The following LGI1 variants were observed in gnomAD, a reference collection of about 807,000 sequenced individuals.
LGI1 encodes the protein leucine-rich glioma-inactivated protein 1.
In LGI1, 11 loss-of-function variants were observed where a neutral mutation model predicts 57.7. The observed-to-expected ratio is 0.19, with a 90% CI of 0.12 to 0.32. LGI1 has a LOEUF of 0.32. LGI1 is among the 10% of genes least tolerant of loss of function. The probability of loss-of-function intolerance (pLI) is 1.00; values close to 1 mark genes in which losing one functional copy is unlikely to be tolerated. For synonymous variants in LGI1, 222 were observed against 241.9 expected (o/e 0.92, Z 0.76); for missense variants, 422 against 661.9 (o/e 0.64, Z 3.98).
intron 4 of LGI1, among the ~76,000 whole-genome samples, chr10:93,786,916 G>A (rs2059896965): frequency 6.6e-6 from 1 of 152,204 alleles, no homozygotes; most frequent in South Asian, 2.1e-4. Context: ...TTTTTGCAGA[G>A]TAATTCTCAG....
Position 93,792,774 on chromosome 10 carries a change from T to C in LGI1, c.535T>C (p.Cys179Arg). The C allele has an allele frequency of 6.2e-7, 1 of 1,614,154 alleles. No homozygotes were observed. The highest frequency in any genetic ancestry group is 8.5e-7 in the Non-Finnish European group (1 of 1,180,006). Residue 179 changes from cysteine to arginine, a missense_variant, in exon 6 of 8, where the codon TGT (cysteine) becomes CGT (arginine). Physicochemically the swap from Cys to Arg is radical, Grantham distance 180. Transcript: ENST00000371418. ...GAGGGGTAATTCATTTAATTGTGAC[T>C]GTAAACTGAAATGGCTAGTGGAATG... The part of the protein sequence containing the change: ...DLRGNSFNCD[C>R]KLKWLVEWLG...
rs970598901 is a variant in LGI1 at position 93,758,955 on chromosome 10, G to A, written c.287+124G>A. The A allele has an allele frequency of 4.2e-5, 33 of 791,980 alleles. No individual in the cohort carries two copies. Among genetic ancestry groups the A allele is most frequent in the East Asian group, 2.9e-4 (11 of 38,412 alleles). The allele number at this position is 791,980 out of a possible 1,614,324, so 49.1% of individuals were successfully genotyped here. ...CTATTTCTGAGAAAACAGAATATCC[G>A]TAAAGTGAGAGGTAGATGGGTTTGT... On this transcript the variant is annotated intron_variant, in intron 2 of 7. Transcript: ENST00000371418. The surrounding 1 kb of genome is among the most constrained non-coding windows in gnomAD (Gnocchi z 4.7).
chr10:93,789,894 A>G (rs2059921386), intron 4 of LGI1: 9 of 557,264 alleles, frequency 1.6e-5, no homozygotes, highest in Admixed American at 3.3e-5. Flanking sequence ...GTAAATAAAT[A>G]TGGAGTGGGT....
rs2059935534 is a variant in LGI1 at position 93,791,228 on chromosome 10, A to G, written c.503+1058A>G. The G allele has an allele frequency of 2.6e-5, 4 of 152,320 alleles. No homozygotes were observed. In the South Asian group the frequency reaches 8.3e-4, roughly 32 times the overall value. The allele number at this position is 152,320 out of a possible 1,614,324, so 9.4% of individuals were successfully genotyped here. A position where few individuals can be genotyped will look rare whatever the true frequency, so the allele number is the denominator to read the frequency against. Reference sequence around the variant, plus strand: ...CTTCCAAGAGAGTCCTGGACAGACCATAGTTATCCTCTCTGGTTTACAGTA... The same window carrying G: ...CTTCCAAGAGAGTCCTGGACAGACCGTAGTTATCCTCTCTGGTTTACAGTA... On this transcript the variant is annotated intron_variant, in intron 5 of 7. Coordinates refer to ENST00000371418, the MANE Select transcript of LGI1 (RefSeq NM_005097.4).
At chr10:93,763,655 A>C (rs2059646217) in intron 2 of LGI1, 1 of 152,134 alleles carries the variant, frequency 6.6e-6, no homozygotes. Flanking sequence ...GAGGTCTGGG[A>C]AGTGAGCCGA....
At chr10:93,779,958 C>A (rs575820534) in intron 4 of LGI1, among the ~76,000 whole-genome samples, 1 of 152,150 alleles carries the variant, frequency 6.6e-6, no homozygotes. Flanking sequence ...ACGGCATTGC[C>A]AATGTTAGGC....
intron 4 of LGI1, among the ~76,000 whole-genome samples, chr10:93,785,182 A>G (rs2059885371): frequency 6.6e-6 from 1 of 152,204 alleles, no homozygotes; most frequent in Non-Finnish European, 1.5e-5. Flanking sequence ...AGAGAGGCAG[A>G]AAGAATAGAT....
Position 93,758,370 on chromosome 10 carries a change from T to C in LGI1, c.215+11T>C. 1 of 1,612,104 alleles carries C rather than the reference T, an allele frequency of 6.2e-7. No individual in the cohort carries two copies. The highest frequency in any genetic ancestry group is 8.5e-7 in the Non-Finnish European group (1 of 1,178,246). On this transcript the variant is annotated intron_variant, in intron 1 of 7. Transcript: ENST00000371418. This position sits in a 1 kb window ranked among gnomAD's most constrained non-coding sequence, Gnocchi z 4.7. ...TGATGTTATCTCATTGTAAGGCCCG[T>C]AAGCATTTTGATATCTAATTTACGA...
intron 2 of LGI1, among the ~76,000 whole-genome samples, chr10:93,766,220 T>C (rs1396345669): frequency 2.6e-5 from 4 of 152,176 alleles, no homozygotes; most frequent in African/African-American, 9.7e-5. Flanking sequence ...AAAAAAATTG[T>C]TAGGCCCATT....
intron 4 of LGI1, among the ~76,000 whole-genome samples, chr10:93,778,471 G>C (rs1158169558): frequency 1.3e-5 from 2 of 151,958 alleles, no homozygotes; most frequent in East Asian, 3.9e-4. Flanking sequence ...AGCATGGAAA[G>C]AAAAGGCACT....
intron 2 of LGI1, among the ~76,000 whole-genome samples, chr10:93,760,764 C>T (rs944621707): frequency 1.3e-5 from 2 of 152,176 alleles, no homozygotes; most frequent in African/African-American, 4.8e-5. Context: ...TTTAAATAGC[C>T]CAACCGAGTG....
Position 93,792,780 on chromosome 10 carries a change from C to T in LGI1, c.541C>T (p.Leu181=). Residue 181 remains leucine, a synonymous_variant, in exon 6 of 8, where the codon CTG becomes TTG. Coordinates refer to ENST00000371418, the MANE Select transcript of LGI1 (RefSeq NM_005097.4). The stretch of plus-strand genomic sequence containing the variant: ...TAATTCATTTAATTGTGACTGTAAA[C>T]TGAAATGGCTAGTGGAATGGCTTGG... ...RGNSFNCDCK[L]KWLVEWLGHT... is the part of the protein sequence containing the mutation. 2 of 1,614,098 alleles carry T rather than the reference C, an allele frequency of 1.2e-6. No homozygotes were observed. The highest frequency in any genetic ancestry group is 1.7e-6 in the Non-Finnish European group (2 of 1,180,004).
chr10:93,786,997 T>G (rs2059897534), intron 4 of LGI1, among the ~76,000 whole-genome samples: 1 of 152,212 alleles, frequency 6.6e-6, no homozygotes, highest in African/African-American at 2.4e-5. Context: ...TTTATCTAAA[T>G]GTAACCTGTC....
rs561286032 is a variant in LGI1, at chr10:93,783,331, G to A, written c.431+5714G>A. Among the ~76,000 whole-genome samples, 407 of 152,282 alleles carry A rather than the reference G, an allele frequency of 2.7e-3. 1 individual carries two copies. Among genetic ancestry groups the A allele is most frequent in the African/African-American group, 9.2e-3 (382 of 41,568 alleles). On this transcript the variant is annotated intron_variant, in intron 4 of 7. Transcript: ENST00000371418. ...GTGGAGCTTGCAGTGAGCCGAGATCGCGCCACTGCACTCCAGCTTGGGTGA... is the reference window on the plus strand; with the variant it reads ...GTGGAGCTTGCAGTGAGCCGAGATCACGCCACTGCACTCCAGCTTGGGTGA...
Position 93,790,125 on chromosome 10 carries a change from C to T in LGI1, c.458C>T (p.Thr153Ile). The T allele has an allele frequency of 1.2e-6, 2 of 1,601,366 alleles. No individual in the cohort carries two copies. The highest frequency in any genetic ancestry group is 1.4e-5 in the African/African-American group (1 of 73,148). ...HLSLANNNLQ[T>I]LPKDIFKGLD... ...AGCCTTGCAAACAACAATCTCCAGA[C>T]ACTCCCAAAAGATATTTTCAAAGGC... Residue 153 changes from threonine to isoleucine, a missense_variant, in exon 5 of 8, where the codon ACA becomes ATA. By Grantham distance (89) the Thr-to-Ile change is moderately conservative. Around this residue, in one of 3 missense-constraint regions of LGI1, gnomAD observed 63 missense variants for 138.4 expected, o/e 0.46. Coordinates refer to ENST00000371418, the MANE Select transcript of LGI1 (RefSeq NM_005097.4).
intron 2 of LGI1, among the ~76,000 whole-genome samples, chr10:93,774,298 C>T (rs2059770451): frequency 6.6e-6 from 1 of 152,052 alleles, no homozygotes; most frequent in Non-Finnish European, 1.5e-5. Flanking sequence ...GAGTGGGAAC[C>T]AAGTATCAGT....
chr10:93,795,096 A>G lies in LGI1; in HGVS notation c.838+1746A>G, dbSNP rs146878913. On this transcript the variant is annotated intron_variant, in intron 7 of 7. Coordinates refer to ENST00000371418, the MANE Select transcript of LGI1 (RefSeq NM_005097.4). ...GTGCGGTCGAAACCAGGCTTTTCTT[A>G]CTTGTGTATGGTTCATCAATTTCTT... Among the ~76,000 whole-genome samples, 672 of 152,186 alleles carry G rather than the reference A, an allele frequency of 4.4e-3. 3 individuals are homozygous for G. Among genetic ancestry groups the G allele is most frequent in the African/African-American group, 0.015 (637 of 41,540 alleles).
intron 7 of LGI1, among the ~76,000 whole-genome samples, chr10:93,796,712 T>G (rs1377247632): frequency 6.6e-6 from 1 of 152,246 alleles, no homozygotes; most frequent in African/African-American, 2.4e-5. Context: ...CATAGCTGTG[T>G]GTCCTGAACG....
At chr10:93,785,118 A>G (rs1362537722) in intron 4 of LGI1, among the ~76,000 whole-genome samples, 1 of 152,208 alleles carries the variant, frequency 6.6e-6, no homozygotes, top group African/African-American at 2.4e-5. Context: ...GTGTATCAAT[A>G]AAAGTAAAAG....
Sources: gnomAD v4.1 joint callset for allele counts (sites outside exome capture counted in the v4.1 genomes callset) on GRCh38, gnomAD v4.1.1 for gene constraint, gnomAD v4.1.1 regional missense constraint, Gnocchi (gnomAD v3.1) non-coding constraint, MANE v1.5 for transcripts, NCBI Gene and HGNC (gene_info 2026-07-23, HGNC 2026-07-21) for gene names.